Variants in HACD2 observed in about 807,000 individuals in gnomAD.
HACD2 encodes very-long-chain (3R)-3-hydroxyacyl-CoA dehydratase 2.
Under a neutral mutation model 31.0 loss-of-function variants are expected in HACD2, and 15 were observed. The ratio of observed to expected loss-of-function variants is 0.48; its 90% CI spans 0.32 to 0.75. HACD2 has a LOEUF of 0.75. Among genes scored for constraint, HACD2 ranks in the 30% least tolerant of loss-of-function variants. HACD2 has a pLI of 0.03. For synonymous variants in HACD2, 115 were observed against 122.2 expected (o/e 0.94, Z 0.39); for missense variants, 283 against 313.0 (o/e 0.90, Z 0.72).
At chr3:123,541,983 T>C (rs1312634299) in intron 3 of HACD2, among the ~76,000 whole-genome samples, 1 of 150,942 alleles carries the variant, frequency 6.6e-6, no homozygotes, top group East Asian at 1.9e-4. Context: ...CCGTCTCTAC[T>C]AAAAATACAA....
chr3:123,567,906 A>AT, intron 2 of HACD2, 126 bp from the exon 3 acceptor site: 1 of 486,502 alleles, frequency 2.1e-6, no homozygotes, highest in Non-Finnish European at 3.5e-6. Flanking sequence ...AATATGAAAA[A>AT]TGAACATTCC....
intron 4 of HACD2, among the ~76,000 whole-genome samples, chr3:123,504,924 CG>C (rs1356551596): frequency 6.6e-6 from 1 of 152,008 alleles, no homozygotes; most frequent in African/African-American, 2.4e-5. Flanking sequence ...CAATGAGACT[CG>C]AAGAGATATT....
intron 3 of HACD2, among the ~76,000 whole-genome samples, chr3:123,539,435 T>C (rs1052063683): frequency 6.6e-6 from 1 of 151,698 alleles, no homozygotes; most frequent in African/African-American, 2.4e-5. Context: ...CTGGGCATGG[T>C]GGTGTGTGCC....
intron 4 of HACD2, among the ~76,000 whole-genome samples, chr3:123,510,935 T>G (rs868535218): frequency 1.4e-3 from 183 of 127,768 alleles, no homozygotes; most frequent in African/African-American, 5.3e-3. Flanking sequence ...TTGCTGTGTT[T>G]TTTTTTTTTG....
chr3:123,571,349 C>G (rs148560985), intron 2 of HACD2, among the ~76,000 whole-genome samples: 5 of 152,156 alleles, frequency 3.3e-5, no homozygotes, highest in African/African-American at 7.2e-5. Context: ...ATTAAAGTCT[C>G]AAGTCAATTG....
In HACD2 at chr3:123,584,744, T is replaced by G. The variant is rs554475382; in HGVS notation, c.155+129A>C. On this transcript the variant is annotated intron_variant, in intron 1 of 6. Coordinates refer to ENST00000383657, the MANE Select transcript of HACD2 (RefSeq NM_198402.5). The stretch of plus-strand genomic sequence containing the variant: ...CCGCCCTCAGCGCCCAGGTACCGGG[T>G]CCCGGGCACCCCCCGCCGGGAATGC... The G allele has an allele frequency of 1.6e-3, 1,115 of 688,670 alleles. 13 individuals carry two copies. In the African/African-American group the frequency reaches 0.02, roughly 12 times the overall value. The allele number at this position is 688,670 out of a possible 1,614,324, so 42.7% of individuals were successfully genotyped here. A position where few individuals can be genotyped will look rare whatever the true frequency, so the allele number is the denominator to read the frequency against.
chr3:123,525,253 T>G (rs1053445279), intron 4 of HACD2, among the ~76,000 whole-genome samples: 3 of 152,204 alleles, frequency 2.0e-5, no homozygotes, highest in African/African-American at 4.8e-5. Context: ...GTATTTGCTA[T>G]GTTAGGTCAA....
intron 2 of HACD2, among the ~76,000 whole-genome samples, chr3:123,576,640 T>G (rs1216081357): frequency 6.6e-6 from 1 of 152,206 alleles, no homozygotes; most frequent in Non-Finnish European, 1.5e-5. Flanking sequence ...CAGAAGTTCC[T>G]TTTTGAGACT....
At chr3:123,495,023 C>A in intron 6 of HACD2, 53 bp from the exon 7 acceptor site, 1 of 1,072,222 alleles carries the variant, frequency 9.3e-7, no homozygotes, top group South Asian at 1.4e-5. Context: ...TGCATATGCT[C>A]TATTTAAAGC....
At chr3:123,570,022 A>G (rs2056836755) in intron 2 of HACD2, among the ~76,000 whole-genome samples, 1 of 124,468 alleles carries the variant, frequency 8.0e-6, no homozygotes, top group Non-Finnish European at 1.6e-5. Context: ...AAAAAAAAAA[A>G]AAAAAAAGAC....
chr3:123,527,299 T>C (rs2056296547), intron 4 of HACD2, among the ~76,000 whole-genome samples: 1 of 152,214 alleles, frequency 6.6e-6, no homozygotes, highest in South Asian at 2.1e-4. Flanking sequence ...TTACACCTGG[T>C]CAACCACAGT....
chr3:123,554,320 A>G (rs1376478649), intron 3 of HACD2, among the ~76,000 whole-genome samples: 1 of 151,966 alleles, frequency 6.6e-6, no homozygotes, highest in Admixed American at 6.6e-5. Flanking sequence ...ACAGAGGACT[A>G]AGGGCATTTA....
chr3:123,558,041 T>G (rs1419658319), intron 3 of HACD2, among the ~76,000 whole-genome samples: 1 of 152,236 alleles, frequency 6.6e-6, no homozygotes, highest in Non-Finnish European at 1.5e-5. Context: ...TGTACTTTAC[T>G]AGGAGAATGG....
chr3:123,493,487 A>G lies in HACD2; in HGVS notation c.*1401T>C, dbSNP rs1016343718. 3 of 152,244 alleles carry G rather than the reference A, an allele frequency of 2.0e-5. No individual in the cohort carries two copies. The highest frequency in any genetic ancestry group is 2.9e-5 in the Non-Finnish European group (2 of 68,042). The allele number at this position is 152,244 out of a possible 1,614,324, so 9.4% of individuals were successfully genotyped here. A position where few individuals can be genotyped will look rare whatever the true frequency, so the allele number is the denominator to read the frequency against. Reference sequence around the variant, plus strand: ...AACATCAACCCCCACCCTGCCCCCAAAAAAAGGCAGCTGCAGGGGATGGGG... The same window carrying G: ...AACATCAACCCCCACCCTGCCCCCAGAAAAAGGCAGCTGCAGGGGATGGGG... On this transcript the variant is annotated 3_prime_UTR_variant, in exon 7 of 7. Coordinates refer to ENST00000383657, the MANE Select transcript of HACD2 (RefSeq NM_198402.5).
chr3:123,520,407 T>C (rs1398007131), intron 4 of HACD2, among the ~76,000 whole-genome samples: 2 of 152,230 alleles, frequency 1.3e-5, no homozygotes, highest in Admixed American at 1.3e-4. Context: ...CTACACTGTC[T>C]AATAGTGCAA....
In HACD2 at chr3:123,494,884, G is replaced by T; in HGVS notation, c.*4C>A. On this transcript the variant is annotated 3_prime_UTR_variant, in exon 7 of 7. Transcript: ENST00000383657. The stretch of plus-strand genomic sequence containing the variant: ...GTTTTGGTGGGAGGTGCAGAAAGCA[G>T]GAACTATTCAAATTTCTTGTGTTCT... 1 of 1,541,730 alleles carries T rather than the reference G, an allele frequency of 6.5e-7. No homozygotes were observed. The highest frequency in any genetic ancestry group is 1.2e-5 in the South Asian group (1 of 83,442).
At chr3:123,498,259 C>T (rs1409464623) in intron 6 of HACD2, among the ~76,000 whole-genome samples, 1 of 152,228 alleles carries the variant, frequency 6.6e-6, no homozygotes, top group Non-Finnish European at 1.5e-5. Flanking sequence ...CTCCGGTCTA[C>T]AAGAGGTTAG....
Position 123,582,272 on chromosome 3 carries a change from A to G in HACD2, c.213T>C (p.His71=), listed in dbSNP as rs766021341. 1 of 1,610,122 alleles carries G rather than the reference A, an allele frequency of 6.2e-7. No individual in the cohort carries two copies. Among genetic ancestry groups the G allele is most frequent in the Admixed American group, 1.7e-5 (1 of 59,464 alleles). The part of the protein sequence containing the change: ...VRAYLAKGSY[H]SLYYSIEKPL... ...GCTTTTCAATTGAATAATAAAGGCT[A>G]TGGTAGCTACCCTTAGCCAGGTATG... The change falls in exon 2 of 7, where the codon CAT becomes CAC. Residue 71 remains histidine (H), a synonymous_variant. Transcript: ENST00000383657.
intron 3 of HACD2, among the ~76,000 whole-genome samples, chr3:123,529,112 ATTTT>A (rs1192300617): frequency 1.3e-5 from 2 of 150,470 alleles, no homozygotes; most frequent in African/African-American, 4.9e-5. Context: ...TTCTTTATTT[ATTTT>A]TTGAGACCGA....
Sources: allele counts gnomAD v4.1 joint callset (sites outside exome capture counted in the v4.1 genomes callset), GRCh38; gene constraint gnomAD v4.1.1; transcripts MANE v1.5; gene names NCBI Gene and HGNC (gene_info 2026-07-23, HGNC 2026-07-21).